The following DCDC2C variants were observed in gnomAD, a reference collection of about 807,000 sequenced individuals.
DCDC2C encodes the protein doublecortin domain containing 2C.
In DCDC2C, 44 loss-of-function variants were observed where a neutral mutation model predicts 45.0. The observed-to-expected ratio is 0.98, with a 90% CI of 0.77 to 1.26. The LOEUF (loss-of-function observed/expected upper bound fraction) is 1.26, where lower values mean the gene tolerates loss of function less well. DCDC2C is among the 50% of genes most tolerant of loss of function. The pLI, the probability that DCDC2C is intolerant of heterozygous loss-of-function variation, is 0.00. For missense variants in DCDC2C, 447 were observed against 468.9 expected (o/e 0.95, Z 0.43); for synonymous variants, 187 against 178.8 (o/e 1.05, Z -0.37).
At chr2:3,810,185 G>A (rs1671358728) in intron 10 of DCDC2C, among the ~76,000 whole-genome samples, 1 of 152,198 alleles carries the variant, frequency 6.6e-6, no homozygotes, top group African/African-American at 2.4e-5. Context: ...TTCCACAATG[G>A]TTGAGCTAAT....
At chr2:3,777,932 G>T (rs1269595993) in intron 8 of DCDC2C, among the ~76,000 whole-genome samples, 2 of 152,218 alleles carry the variant, frequency 1.3e-5, no homozygotes, top group Non-Finnish European at 2.9e-5. Flanking sequence ...ACAGGTGAGT[G>T]GTTCCAGGAA....
chr2:3,785,083 G>A lies in DCDC2C; in HGVS notation c.1048G>A (p.Glu350Lys), dbSNP rs1211558155. ...GGATAAAGAAGATGCAAGGCTTTGT[G>A]AAGACGTTGAAAGAAAGGTTTGTAT... The part of the protein sequence containing the change: ...NKDKEDARLC[E>K]DVERKMAREW... Residue 350 changes from glutamate (E) to lysine (K), a missense_variant, in exon 10 of 11, where the codon GAA becomes AAA. Glu to Lys is a moderately conservative substitution (Grantham distance 56). Coordinates refer to ENST00000399143, the MANE Select transcript of DCDC2C (RefSeq NM_001287444.2). 30 of 1,231,584 alleles carry A rather than the reference G, an allele frequency of 2.4e-5. No homozygotes were observed. The highest frequency in any genetic ancestry group is 2.8e-5 in the Non-Finnish European group (28 of 987,958). 76.3% of individuals were successfully genotyped at this position (1,231,584 alleles called of 1,614,324 possible). A position where few individuals can be genotyped will look rare whatever the true frequency, so the allele number is the denominator to read the frequency against.
At chr2:3,716,770 G>A (rs887408540) in intron 2 of DCDC2C, among the ~76,000 whole-genome samples, 1 of 152,168 alleles carries the variant, frequency 6.6e-6, no homozygotes, top group African/African-American at 2.4e-5. Context: ...TGCCTATTCT[G>A]GACATTTTAT....
chr2:3,791,007 G>A (rs978253699), intron 10 of DCDC2C, among the ~76,000 whole-genome samples: 1 of 152,086 alleles, frequency 6.6e-6, no homozygotes, highest in Non-Finnish European at 1.5e-5. Flanking sequence ...CTACTCGGGA[G>A]GCTGAGGCAG....
At chr2:3,753,415 G>A (rs931520237) in intron 5 of DCDC2C, among the ~76,000 whole-genome samples, 1 of 152,182 alleles carries the variant, frequency 6.6e-6, no homozygotes, top group Non-Finnish European at 1.5e-5. Flanking sequence ...GGGAGGTGAA[G>A]GGTGCTGAGA....
chr2:3,813,039 GTATA>G (rs202152340), intron 10 of DCDC2C, among the ~76,000 whole-genome samples: 3,829 of 87,302 alleles, frequency 0.044, 86 homozygotes, highest in East Asian at 0.084. Flanking sequence ...TGAGAAGAAC[GTATA>G]TATATATATA....
intron 5 of DCDC2C, among the ~76,000 whole-genome samples, chr2:3,753,846 C>T (rs549042700): frequency 8.5e-5 from 13 of 152,294 alleles, no homozygotes; most frequent in South Asian, 8.3e-4. Flanking sequence ...CTGCCAAGGA[C>T]GACCCCACAG....
chr2:3,829,544 G>A (rs937734628), intron 10 of DCDC2C, among the ~76,000 whole-genome samples: 1 of 152,058 alleles, frequency 6.6e-6, no homozygotes, highest in African/African-American at 2.4e-5. Context: ...TCCTGGTCGT[G>A]CTGCGCGGTT....
At chr2:3,798,078 G>A (rs1178661807) in intron 10 of DCDC2C, among the ~76,000 whole-genome samples, 2 of 151,990 alleles carry the variant, frequency 1.3e-5, no homozygotes, top group Admixed American at 6.6e-5. Context: ...TATATATTTA[G>A]GATAGTTAGC....
rs1399582620 is a variant in DCDC2C at position 3,704,008 on chromosome 2, C to T, written c.257C>T (p.Ala86Val). 5 of 1,285,234 alleles carry T rather than the reference C, an allele frequency of 3.9e-6. No individual in the cohort carries two copies. The East Asian group carries it at 9.4e-5, about 24-fold the overall frequency. 79.6% of individuals were successfully genotyped at this position (1,285,234 alleles called of 1,614,324 possible). A position where few individuals can be genotyped will look rare whatever the true frequency, so the allele number is the denominator to read the frequency against. The stretch of plus-strand genomic sequence containing the variant: ...CTGCAGGCGGGCGGCAAGTACGTGG[C>T]GGCGGGCCGCGAGCGCTTCAAGGAG... Reference protein sequence around the residue: ...DALQAGGKYVAAGRERFKELD... With the variant: ...DALQAGGKYVVAGRERFKELD... The change falls in exon 1 of 11, where the codon GCG becomes GTG. Residue 86 changes from alanine to valine, a missense_variant. Transcript: ENST00000399143.
At chr2:3,787,820 T>C (rs1188346178) in intron 10 of DCDC2C, among the ~76,000 whole-genome samples, 1 of 152,246 alleles carries the variant, frequency 6.6e-6, no homozygotes, top group African/African-American at 2.4e-5. Flanking sequence ...TTAAGAAGGT[T>C]GAAACTTGTC....
At chr2:3,707,990 A>C (rs1221066902) in intron 1 of DCDC2C, among the ~76,000 whole-genome samples, 1 of 152,188 alleles carries the variant, frequency 6.6e-6, no homozygotes, top group Non-Finnish European at 1.5e-5. Context: ...ATTTTTGAGG[A>C]ATATGGAAGT....
intron 3 of DCDC2C, among the ~76,000 whole-genome samples, chr2:3,728,789 T>C (rs1410544886): frequency 1.3e-5 from 2 of 152,200 alleles, no homozygotes; most frequent in African/African-American, 4.8e-5. Context: ...TGTGACCCTT[T>C]CTGGTGAAGA....
intron 2 of DCDC2C, among the ~76,000 whole-genome samples, chr2:3,711,807 C>T (rs536351800): frequency 1.2e-4 from 19 of 152,274 alleles, no homozygotes; most frequent in African/African-American, 3.4e-4. Flanking sequence ...TTATTTTAAC[C>T]TCTTTACTAT....
At chr2:3,813,657 A>C (rs1447410142) in intron 10 of DCDC2C, among the ~76,000 whole-genome samples, 1 of 103,610 alleles carries the variant, frequency 9.7e-6, no homozygotes, top group Non-Finnish European at 2.0e-5. Flanking sequence ...TTTTTTTACC[A>C]TTATGTAATG....
At chr2:3,741,827 T>G in intron 3 of DCDC2C, 93 bp from the exon 4 acceptor site, 2 of 1,341,106 alleles carry the variant, frequency 1.5e-6, no homozygotes, top group Non-Finnish European at 2.0e-6. Context: ...TCTCATTGTT[T>G]TTACAGTTCT....
At chr2:3,839,826 T>G (rs1350117405) in intron 10 of DCDC2C, among the ~76,000 whole-genome samples, 1 of 152,232 alleles carries the variant, frequency 6.6e-6, no homozygotes, top group Admixed American at 6.5e-5. Flanking sequence ...TCTCATTATT[T>G]GGCTACTGAG....
At chr2:3,823,151 G>T (rs961855369) in intron 10 of DCDC2C, among the ~76,000 whole-genome samples, 7 of 152,190 alleles carry the variant, frequency 4.6e-5, no homozygotes, top group Non-Finnish European at 1.0e-4. Context: ...TGCTCTAGTT[G>T]TATCCTGTAA....
intron 10 of DCDC2C, among the ~76,000 whole-genome samples, chr2:3,809,543 T>G (rs1427596263): frequency 6.6e-6 from 1 of 152,222 alleles, no homozygotes; most frequent in Non-Finnish European, 1.5e-5. Flanking sequence ...ATAGAAAAAC[T>G]ATTGACTTTT....
Sources: gnomAD v4.1 joint callset for allele counts (sites outside exome capture counted in the v4.1 genomes callset) on GRCh38, gnomAD v4.1.1 for gene constraint, MANE v1.5 for transcripts, NCBI Gene and HGNC (gene_info 2026-07-23, HGNC 2026-07-21) for gene names.